The following ROS1 variants were observed in gnomAD, a reference collection of about 807,000 sequenced individuals.
ROS1 encodes proto-oncogene tyrosine-protein kinase ROS.
ROS1 carries 263 observed loss-of-function variants against 273.5 expected under a neutral mutation model. The ratio of observed to expected loss-of-function variants is 0.96; its 90% CI spans 0.87 to 1.06. The LOEUF is 1.06. ROS1 is among the 50% of genes least tolerant of loss of function. The pLI is 0.00. For missense variants in ROS1, 2,833 were observed against 2,751.1 expected, an observed-to-expected ratio of 1.03 and a Z score of -0.67; for synonymous variants, 1,008 against 954.1, an observed-to-expected ratio of 1.06 and a Z score of -1.04.
intron 21 of ROS1, 122 bp downstream of exon 21, chr6:117,364,938 G>A (rs866913893): frequency 7.1e-6 from 6 of 844,644 alleles, no homozygotes; most frequent in Middle Eastern, 4.6e-4. Flanking sequence ...CATTGAAAGG[G>A]TATTGAATCT....
intron 32 of ROS1, among the ~76,000 whole-genome samples, chr6:117,336,636 C>T (rs9489134): frequency 0.015 from 2,224 of 152,100 alleles, 43 homozygotes; most frequent in East Asian, 0.04. Flanking sequence ...AGTGAACATA[C>T]GTGTGCATGT....
chr6:117,416,666 A>G (rs146545433), intron 2 of ROS1, among the ~76,000 whole-genome samples: 1 of 152,286 alleles, frequency 6.6e-6, no homozygotes, highest in Non-Finnish European at 1.5e-5. Context: ...TGGCATTGGT[A>G]TATCCTGGGT....
rs200615700 is a variant in ROS1, at chr6:117,383,402, G to T, written c.2396C>A (p.Thr799Asn). The change falls in exon 17 of 44, where the codon ACC becomes AAC. Residue 799 changes from threonine to asparagine, a missense_variant. Thr to Asn is a moderately conservative substitution (Grantham distance 65). Coordinates refer to ENST00000368507, the MANE Select transcript of ROS1 (RefSeq NM_001378902.1). ...GGTGCTTTCCACTGAATAGAGTGTG[G>T]TCCAGTAGAGATATCCACCAACTGA... ...VDSVGGYLYW[T>N]TLYSVESTRL... 5.0e-4 allele frequency: 800 copies of T among 1,613,850 alleles called. 6 individuals carry two copies. In the South Asian group the frequency reaches 5.3e-3, roughly 11 times the overall value.
intron 18 of ROS1, among the ~76,000 whole-genome samples, chr6:117,372,953 C>A (rs1430849373): frequency 6.6e-6 from 1 of 152,188 alleles, no homozygotes; most frequent in Non-Finnish European, 1.5e-5. Flanking sequence ...GTCCATTTTA[C>A]AGAGAGCTGA....
chr6:117,376,266 T>C (rs147929146), intron 18 of ROS1, among the ~76,000 whole-genome samples: 1 of 152,178 alleles, frequency 6.6e-6, no homozygotes, highest in East Asian at 1.9e-4. Context: ...TCATGCAAAA[T>C]GACAAATTCT....
chr6:117,302,820 T>C (rs1181937963), intron 42 of ROS1, among the ~76,000 whole-genome samples: 1 of 152,214 alleles, frequency 6.6e-6, no homozygotes, highest in African/African-American at 2.4e-5. Context: ...CAATGATCTC[T>C]TTGTAATTCT....
chr6:117,402,999 TG>T, intron 7 of ROS1, 139 bp downstream of exon 7: 1 of 850,448 alleles, frequency 1.2e-6, no homozygotes, highest in Non-Finnish European at 1.9e-6. Context: ...GAATACTACC[TG>T]GCACATAGTT....
At chr6:117,357,680 G>A in intron 25 of ROS1, 124 bp downstream of exon 25, 1 of 633,836 alleles carries the variant, frequency 1.6e-6, no homozygotes, top group Non-Finnish European at 2.7e-6. Context: ...ATAATATAGT[G>A]GGCCAAGAGC....
rs192565520 is a variant in ROS1 at position 117,320,798 on chromosome 6, T to C, written c.5759+461A>G. On this transcript the variant is annotated intron_variant, in intron 36 of 43. Transcript: ENST00000368507. Reference sequence around the variant, plus strand: ...GCATAAGACACTTGAATATTTTCCTTAATTATGACGGCAACAAAAGTTCAA... The same window carrying C: ...GCATAAGACACTTGAATATTTTCCTCAATTATGACGGCAACAAAAGTTCAA... Among the ~76,000 whole-genome samples, 420 of 152,238 alleles carry C rather than the reference T, an allele frequency of 2.8e-3. 2 individuals carry two copies. The highest frequency in any genetic ancestry group is 9.6e-3 in the African/African-American group (399 of 41,560).
chr6:117,386,951 C>T lies in ROS1; in HGVS notation c.2048G>A (p.Ser683Asn), dbSNP rs749011714. 1.6e-5 allele frequency: 26 copies of T among 1,612,940 alleles called. No homozygotes were observed. The Admixed American group carries it at 4.3e-4, about 27-fold the overall frequency. ...IMAVKEDGLW[S>N]KPLNSFGPGE... is the part of the protein sequence containing the mutation. ...TGGGCCAAAGCTATTTAATGGTTTA[C>T]TCCAAAGCCCATCTTCTTTCACAGC... The change falls in exon 15 of 44, where the codon AGT becomes AAT. Residue 683 changes from serine to asparagine, a missense_variant. Transcript: ENST00000368507.
At chr6:117,366,438 C>A (rs1562322116) in intron 18 of ROS1, 148 bp from the exon 19 acceptor site, 2 of 624,770 alleles carry the variant, frequency 3.2e-6, no homozygotes, top group Admixed American at 5.9e-5. Context: ...CGATTATTGT[C>A]TTTTTTTGTT....
chr6:117,382,385 A>G (rs1772226001), intron 17 of ROS1, among the ~76,000 whole-genome samples: 1 of 152,154 alleles, frequency 6.6e-6, no homozygotes, highest in African/African-American at 2.4e-5. Context: ...GTTCATATAT[A>G]TACATACATT....
intron 16 of ROS1, among the ~76,000 whole-genome samples, chr6:117,385,120 T>A (rs753286110): frequency 9.9e-5 from 15 of 152,216 alleles, no homozygotes; most frequent in Non-Finnish European, 1.8e-4. Flanking sequence ...TGAATCATGC[T>A]TTTGGAGCAT....
At chr6:117,300,534 A>G (rs567088102) in intron 43 of ROS1, among the ~76,000 whole-genome samples, 1 of 152,284 alleles carries the variant, frequency 6.6e-6, no homozygotes, top group South Asian at 2.1e-4. Flanking sequence ...GGAGGGAGGA[A>G]GTTGAAGAGG....
At chr6:117,310,364 G>T in intron 40 of ROS1, 83 bp from the exon 41 acceptor site, 1 of 969,750 alleles carries the variant, frequency 1.0e-6, no homozygotes, top group South Asian at 1.9e-5. Flanking sequence ...TAGTAGGTCT[G>T]TAAAGAAGAG....
At chr6:117,337,450 A>C in intron 31 of ROS1, 110 bp from the exon 32 acceptor site, 1 of 797,394 alleles carries the variant, frequency 1.3e-6, no homozygotes. Flanking sequence ...ATTCTTTTCT[A>C]TTAAAGAATA....
rs75645233 is a variant in ROS1 at position 117,349,289 on chromosome 6, T to C, written c.4303+3701A>G. ...GATATATGCATTAAGGATTATTACA[T>C]CTTCTTGGAGAACTGATCCCTTTAT... On this transcript the variant is annotated intron_variant, in intron 27 of 43. Coordinates refer to ENST00000368507, the MANE Select transcript of ROS1 (RefSeq NM_001378902.1). Among the ~76,000 whole-genome samples, 947 of 152,148 alleles carry C rather than the reference T, an allele frequency of 6.2e-3. 6 individuals are homozygous for C. Among genetic ancestry groups the C allele is most frequent in the African/African-American group, 0.021 (892 of 41,552 alleles).
intron 22 of ROS1, 50 bp downstream of exon 22, chr6:117,362,553 C>G: frequency 6.4e-7 from 1 of 1,551,668 alleles, no homozygotes; most frequent in Non-Finnish European, 8.8e-7. Context: ...TTCCCTCTCC[C>G]CACAATGCCG....
chr6:117,369,224 T>C (rs1420041428), intron 18 of ROS1, among the ~76,000 whole-genome samples: 1 of 152,204 alleles, frequency 6.6e-6, no homozygotes, highest in Non-Finnish European at 1.5e-5. Flanking sequence ...GTTATCTCAC[T>C]GGGAGCTGCT....
Sources: allele counts gnomAD v4.1 joint callset (sites outside exome capture counted in the v4.1 genomes callset), GRCh38; gene constraint gnomAD v4.1.1; transcripts MANE v1.5; gene names NCBI Gene and HGNC (gene_info 2026-07-23, HGNC 2026-07-21).